The following FUBP3 variants were observed in gnomAD, a reference collection of about 807,000 sequenced individuals.
FUBP3 encodes the protein far upstream element binding protein 3.
FUBP3 carries 28 observed loss-of-function variants against 85.6 expected under a neutral mutation model. The observed-to-expected ratio is 0.33, with a 90% confidence interval of 0.24 to 0.45. The LOEUF (loss-of-function observed/expected upper bound fraction) is 0.45. FUBP3 is among the 20% of genes least tolerant of loss of function. The probability of loss-of-function intolerance (pLI) is 1.00; values close to 1 mark genes in which losing one functional copy is unlikely to be tolerated. For missense variants in FUBP3, 583 were observed against 755.1 expected, an observed-to-expected ratio of 0.77 and a Z score of 2.67; for synonymous variants, 271 against 271.4, an observed-to-expected ratio of 1.00 and a Z score of 0.01.
Position 130,627,075 on chromosome 9 carries a change from G to A in FUBP3, c.1117+570G>A, listed in dbSNP as rs531445910. Among the ~76,000 whole-genome samples the A allele has an allele frequency of 1.2e-4, 19 of 152,358 alleles. No individual in the cohort carries two copies. In the East Asian group the frequency reaches 1.9e-3, roughly 15 times the overall value. ...TGGGCATTTTGGAGAACATTAGGAAGAAACCCTCATTCATGGCTACTGTAG... is the reference window on the plus strand; with the variant it reads ...TGGGCATTTTGGAGAACATTAGGAAAAAACCCTCATTCATGGCTACTGTAG... On this transcript the variant is annotated intron_variant, in intron 12 of 18. Transcript: ENST00000319725.
chr9:130,623,860 T>C, intron 11 of FUBP3, 149 bp downstream of exon 11: 1 of 478,876 alleles, frequency 2.1e-6, no homozygotes, highest in South Asian at 3.6e-5. Context: ...ATCAGCCTCT[T>C]TCCTGCCTTC....
At chr9:130,624,644 TGTGTGTG>T in intron 11 of FUBP3, among the ~76,000 whole-genome samples, 1 of 151,172 alleles carries the variant, frequency 6.6e-6, no homozygotes, top group African/African-American at 2.4e-5. Flanking sequence ...TGTGTGTGTG[TGTGTGTG>T]TTTTTAAGCT....
chr9:130,584,963 C>T (rs547654643), intron 1 of FUBP3, among the ~76,000 whole-genome samples: 1 of 152,230 alleles, frequency 6.6e-6, no homozygotes, highest in Admixed American at 6.5e-5. Context: ...AGGATGAGAC[C>T]AACCTGGCCA....
chr9:130,614,643 C>T (rs182511427), intron 6 of FUBP3, among the ~76,000 whole-genome samples: 1 of 152,326 alleles, frequency 6.6e-6, no homozygotes, highest in Non-Finnish European at 1.5e-5. Context: ...CTTACTTCTT[C>T]CTTGTTAACA....
chr9:130,613,077 G>T (rs766303868), intron 5 of FUBP3, 50 bp downstream of exon 5: 5 of 1,208,848 alleles, frequency 4.1e-6, no homozygotes, highest in Non-Finnish European at 2.5e-6. Context: ...TCAGTATTTT[G>T]CAAAACTTTC....
chr9:130,625,382 C>T (rs772195037), intron 11 of FUBP3, among the ~76,000 whole-genome samples: 101 of 152,324 alleles, frequency 6.6e-4, no homozygotes, highest in Admixed American at 2.2e-3. Flanking sequence ...GAGCAGAGTG[C>T]GGGGGAAAAG....
intron 13 of FUBP3, chr9:130,631,322 G>A: frequency 7.1e-7 from 1 of 1,400,994 alleles, no homozygotes; most frequent in Non-Finnish European, 9.2e-7. Context: ...GGTGATGCCA[G>A]GGCAGTTGTG....
In FUBP3 at chr9:130,616,629, A is replaced by C; in HGVS notation, c.567+112A>C. 1 of 999,920 alleles carries C rather than the reference A, an allele frequency of 1.0e-6. No homozygotes were observed. Among genetic ancestry groups the C allele is most frequent in the Non-Finnish European group, 1.5e-6 (1 of 661,810 alleles). The allele number at this position is 999,920 out of a possible 1,614,324, so 61.9% of individuals were successfully genotyped here. A position where few individuals can be genotyped will look rare whatever the true frequency, so the allele number is the denominator to read the frequency against. On this transcript the variant is annotated intron_variant, in intron 7 of 18. Coordinates refer to ENST00000319725, the MANE Select transcript of FUBP3 (RefSeq NM_003934.2). This position sits in a 1 kb window ranked among gnomAD's most constrained non-coding sequence, Gnocchi z 4.7. Reference sequence around the variant, plus strand: ...TTCCCTGGCTGGGCTGGCTTTGTGCAGCATTGTGCTGAGGCTTCCTTCCTC... The same window carrying C: ...TTCCCTGGCTGGGCTGGCTTTGTGCCGCATTGTGCTGAGGCTTCCTTCCTC...
intron 2 of FUBP3, among the ~76,000 whole-genome samples, chr9:130,599,021 T>C (rs979292601): frequency 1.4e-4 from 21 of 152,068 alleles, no homozygotes. Context: ...GGCCGGGCAC[T>C]GTGGCTCACG....
intron 18 of FUBP3, 132 bp downstream of exon 18, chr9:130,636,258 C>G: frequency 1.1e-6 from 1 of 920,248 alleles, no homozygotes; most frequent in Non-Finnish European, 1.7e-6. Flanking sequence ...AGCTCCTCAG[C>G]GAGGCTGCTT....
Position 130,620,455 on chromosome 9 carries a change from A to G in FUBP3, c.768A>G (p.Ile256Met). 2 of 1,528,696 alleles carry G rather than the reference A, an allele frequency of 1.3e-6. No individual in the cohort carries two copies. The highest frequency in any genetic ancestry group is 1.2e-5 in the South Asian group (1 of 85,888). 94.7% of individuals were successfully genotyped at this position (1,528,696 alleles called of 1,614,324 possible). A position where few individuals can be genotyped will look rare whatever the true frequency, so the allele number is the denominator to read the frequency against. The change falls in exon 9 of 19, where the codon ATA (isoleucine) becomes ATG (methionine). Residue 256 changes from isoleucine to methionine, a missense_variant. Physicochemically the swap from Ile to Met is conservative, Grantham distance 10. Around this residue, in one of 3 missense-constraint regions of FUBP3, gnomAD observed 404 missense variants for 516.8 expected, o/e 0.78. Coordinates refer to ENST00000319725, the MANE Select transcript of FUBP3 (RefSeq NM_003934.2). ...ACTCTCGAATGGGAGGAGGCAGTAT[A>G]GAGGTATGCTTAAATTACAGGTTAG... ...DFNSRMGGGS[I>M]EVSVPRFAVG... is the part of the protein sequence containing the mutation.
At chr9:130,605,291 G>A (rs1361435544) in intron 2 of FUBP3, among the ~76,000 whole-genome samples, 2 of 152,232 alleles carry the variant, frequency 1.3e-5, no homozygotes, top group Non-Finnish European at 2.9e-5. Context: ...GGCAAAGGTG[G>A]CTTTGTTGAC....
intron 16 of FUBP3, 172 bp from the exon 17 acceptor site, chr9:130,634,495 C>T: frequency 1.7e-6 from 1 of 597,946 alleles, no homozygotes; most frequent in Non-Finnish European, 3.0e-6. Flanking sequence ...ATCTTAGTTA[C>T]ACCCCTTCCC....
At position 130,626,414 on chromosome 9, in the gene FUBP3, C is replaced by G; in HGVS notation, c.1026C>G (p.Gly342=). Residue 342 remains glycine (G), a synonymous_variant, in exon 12 of 19, where the codon GGC becomes GGG. Transcript: ENST00000319725. ...GLAAARGRGR[G]RGDWSVGAPG... is the part of the protein sequence containing the mutation. ...CAGCAGCCAGAGGAAGAGGTCGTGG[C>G]CGTGGCGACTGGAGCGTGGGAGCCC... 2 of 1,613,996 alleles carry G rather than the reference C, an allele frequency of 1.2e-6. No homozygotes were observed. The highest frequency in any genetic ancestry group is 1.7e-6 in the Non-Finnish European group (2 of 1,179,948).
intron 12 of FUBP3, among the ~76,000 whole-genome samples, chr9:130,627,837 C>T (rs914056995): frequency 6.6e-6 from 1 of 152,174 alleles, no homozygotes. Context: ...GCTTGTGTCT[C>T]TAAACCCTGA....
intron 9 of FUBP3, among the ~76,000 whole-genome samples, chr9:130,621,425 G>A (rs544545759): frequency 4.6e-5 from 7 of 152,332 alleles, no homozygotes; most frequent in South Asian, 2.1e-4. Context: ...CCAGGAGATC[G>A]AGGCTGTAGT....
At chr9:130,629,230 GC>G (rs1024907749) in intron 12 of FUBP3, among the ~76,000 whole-genome samples, 6 of 152,210 alleles carry the variant, frequency 3.9e-5, no homozygotes, top group African/African-American at 1.4e-4. Context: ...GTGGGTGCTG[GC>G]CCGGTGTCCC....
chr9:130,603,347 CA>C (rs34850259), intron 2 of FUBP3, among the ~76,000 whole-genome samples: 31 of 83,826 alleles, frequency 3.7e-4, no homozygotes, highest in South Asian at 2.9e-3. Flanking sequence ...ACTCTGTCTC[CA>C]AAAAAAAAAA....
intron 13 of FUBP3, 145 bp from the exon 14 acceptor site, chr9:130,631,412 A>G: frequency 7.8e-7 from 1 of 1,283,184 alleles, no homozygotes; most frequent in South Asian, 1.6e-5. Flanking sequence ...TGCTGTGGGA[A>G]GGAAGGCTAG....
Sources: gnomAD v4.1 joint callset for allele counts (sites outside exome capture counted in the v4.1 genomes callset) on GRCh38, gnomAD v4.1.1 for gene constraint, gnomAD v4.1.1 regional missense constraint, Gnocchi (gnomAD v3.1) non-coding constraint, MANE v1.5 for transcripts, NCBI Gene and HGNC (gene_info 2026-07-23, HGNC 2026-07-21) for gene names.